The following AGK variants were observed in gnomAD, a reference collection of about 807,000 sequenced individuals.
AGK encodes the protein acylglycerol kinase.
In AGK, 52 loss-of-function variants were observed where a neutral mutation model predicts 66.4. The ratio of observed to expected loss-of-function variants is 0.78; its 90% confidence interval spans 0.63 to 0.99. The LOEUF (loss-of-function observed/expected upper bound fraction) is 0.99. Ranked by LOEUF, AGK falls within the 50% of genes least tolerant of loss-of-function variation. The pLI, the probability that AGK is intolerant of heterozygous loss-of-function variation, is 0.00. For synonymous variants in AGK, 182 were observed against 181.1 expected, an observed-to-expected ratio of 1.00 and a Z score of -0.04; for missense variants, 451 against 506.6, an observed-to-expected ratio of 0.89 and a Z score of 1.05.
chr7:141,604,761 T>G (rs1796421686), intron 5 of AGK, among the ~76,000 whole-genome samples: 2 of 151,806 alleles, frequency 1.3e-5, no homozygotes, highest in South Asian at 4.2e-4. Flanking sequence ...TTTTTGTATT[T>G]TTAATAGAGA....
chr7:141,650,553 G>A (rs1241844006), intron 14 of AGK: 6 of 985,246 alleles, frequency 6.1e-6, no homozygotes, highest in African/African-American at 1.7e-5. Flanking sequence ...CTCTGATACC[G>A]TTTTGTAGAG....
At chr7:141,628,250 T>C (rs1796981109) in intron 9 of AGK, among the ~76,000 whole-genome samples, 1 of 152,202 alleles carries the variant, frequency 6.6e-6, no homozygotes, top group African/African-American at 2.4e-5. Flanking sequence ...TGTGAATTGA[T>C]GAAACCAGTA....
Position 141,555,534 on chromosome 7 carries a change from C to T in AGK, c.68C>T (p.Thr23Ile). The T allele has an allele frequency of 6.2e-7, 1 of 1,614,028 alleles. No individual in the cohort carries two copies. Among genetic ancestry groups the T allele is most frequent in the Non-Finnish European group, 8.5e-7 (1 of 1,179,954 alleles). Residue 23 changes from threonine to isoleucine, a missense_variant, in exon 2 of 16, where the codon ACC becomes ATC. Physicochemically the swap from Thr to Ile is moderately conservative, Grantham distance 89. Coordinates refer to ENST00000649286, the MANE Select transcript of AGK (RefSeq NM_018238.4). This position sits in a 1 kb window ranked among gnomAD's most constrained non-coding sequence, Gnocchi z 4.2. ...KKTTAGLCLLTWGGHWLYGKH... is the reference protein window; with the variant it reads ...KKTTAGLCLLIWGGHWLYGKH... Reference sequence around the variant, plus strand: ...ACTACAGCTGGGCTCTGCCTGCTGACCTGGGGAGGCCATTGGCTCTATGGA... The same window carrying T: ...ACTACAGCTGGGCTCTGCCTGCTGATCTGGGGAGGCCATTGGCTCTATGGA...
At chr7:141,593,238 G>A in intron 3 of AGK, 53 bp downstream of exon 3, 1 of 1,526,328 alleles carries the variant, frequency 6.6e-7, no homozygotes, top group Non-Finnish European at 9.1e-7. Context: ...TCATTGTGCA[G>A]AAAACTTAAG....
chr7:141,646,432 T>G (rs1797415505), intron 13 of AGK, among the ~76,000 whole-genome samples: 1 of 152,174 alleles, frequency 6.6e-6, no homozygotes, highest in South Asian at 2.1e-4. Flanking sequence ...CAGAAAGGTA[T>G]TGCCTCAGTA....
chr7:141,633,397 C>A (rs1424002775), intron 9 of AGK, among the ~76,000 whole-genome samples: 1 of 152,110 alleles, frequency 6.6e-6, no homozygotes, highest in Non-Finnish European at 1.5e-5. Context: ...AAGCATTGGA[C>A]CAAATCCAAA....
At chr7:141,577,869 C>T (rs531462634) in intron 2 of AGK, among the ~76,000 whole-genome samples, 18 of 149,472 alleles carry the variant, frequency 1.2e-4, no homozygotes, top group African/African-American at 3.0e-4. Context: ...CCCAGGCTGG[C>T]GTGCAGTGGT....
At chr7:141,559,332 T>C (rs1432888968) in intron 2 of AGK, among the ~76,000 whole-genome samples, 2 of 152,208 alleles carry the variant, frequency 1.3e-5, no homozygotes, top group Admixed American at 1.3e-4. Flanking sequence ...ATTTTCCATA[T>C]GGATATCTAG....
chr7:141,632,245 C>CA lies in AGK; in HGVS notation c.589-1648dup, dbSNP rs138506133. ...AAACTCCGTCTAAAAAAAAAAAAAACAAAAAAAACCCACAAAATTTAAAAA... is the reference window on the plus strand; with the variant it reads ...AAACTCCGTCTAAAAAAAAAAAAAACAAAAAAAAACCCACAAAATTTAAAAA... On this transcript the variant is annotated intron_variant, in intron 9 of 15. Coordinates refer to ENST00000649286, the MANE Select transcript of AGK (RefSeq NM_018238.4). Among the ~76,000 whole-genome samples, 448 of 147,684 alleles carry CA rather than the reference C, an allele frequency of 3.0e-3. 3 individuals carry two copies. The highest frequency in any genetic ancestry group is 5.0e-3 in the Non-Finnish European group (331 of 66,546).
intron 4 of AGK, among the ~76,000 whole-genome samples, chr7:141,600,971 A>G (rs1796327857): frequency 6.6e-6 from 1 of 152,188 alleles, no homozygotes; most frequent in Non-Finnish European, 1.5e-5. Flanking sequence ...CAAATGGATA[A>G]GAGCTTATTG....
intron 2 of AGK, among the ~76,000 whole-genome samples, chr7:141,589,114 A>G (rs1300624988): frequency 6.6e-6 from 1 of 151,976 alleles, no homozygotes. Context: ...CCCAGCCCCT[A>G]CTCAAGATGG....
intron 5 of AGK, among the ~76,000 whole-genome samples, chr7:141,603,775 T>C (rs1587116511): frequency 6.6e-6 from 1 of 152,232 alleles, no homozygotes; most frequent in Non-Finnish European, 1.5e-5. Context: ...ATGCTGGCTG[T>C]CCCCTGGCTC....
intron 5 of AGK, among the ~76,000 whole-genome samples, chr7:141,605,900 G>A (rs1318533406): frequency 6.6e-6 from 1 of 152,130 alleles, no homozygotes; most frequent in African/African-American, 2.4e-5. Flanking sequence ...AGCACTATTA[G>A]AATATTCTTC....
chr7:141,588,278 A>T (rs1796033837), intron 2 of AGK, among the ~76,000 whole-genome samples: 1 of 152,192 alleles, frequency 6.6e-6, no homozygotes, highest in African/African-American at 2.4e-5. Context: ...GGGTTCTTAG[A>T]TCTTGCACAA....
intron 13 of AGK, 83 bp downstream of exon 13, chr7:141,641,991 A>G: frequency 8.5e-7 from 1 of 1,182,156 alleles, no homozygotes; most frequent in East Asian, 2.6e-5. Flanking sequence ...TAATTCAGTT[A>G]TTTTTATTTT....
intron 13 of AGK, among the ~76,000 whole-genome samples, chr7:141,647,122 G>T: frequency 8.4e-6 from 1 of 119,354 alleles, no homozygotes; most frequent in Admixed American, 1.2e-4. Context: ...GCAGATCATT[G>T]CTCCTGGGAG....
chr7:141,652,792 A>AGGG lies in AGK; in HGVS notation c.1140_1142dup (p.Gly381dup), dbSNP rs1554405928. On this transcript the variant is annotated inframe_insertion, in exon 16 of 16. Coordinates refer to ENST00000649286, the MANE Select transcript of AGK (RefSeq NM_018238.4). ...GAATATTCTCTTCTCCCCAGGGAGC[A>AGGG]GGGGGCTCTTTTAGCATTGACAGTG... The AGGG allele has an allele frequency of 6.2e-7, 1 of 1,613,132 alleles. No individual in the cohort carries two copies. The highest frequency in any genetic ancestry group is 1.7e-5 in the Admixed American group (1 of 60,000).
intron 6 of AGK, among the ~76,000 whole-genome samples, chr7:141,612,297 C>A (rs564700144): frequency 5.1e-4 from 77 of 152,262 alleles, no homozygotes; most frequent in Middle Eastern, 6.8e-3. Context: ...AGTGAAACGT[C>A]AGAGGTTACC....
intron 13 of AGK, among the ~76,000 whole-genome samples, chr7:141,647,406 G>A (rs1797442497): frequency 6.6e-6 from 1 of 152,044 alleles, no homozygotes; most frequent in Non-Finnish European, 1.5e-5. Context: ...CCTGTCATTC[G>A]CTCTGCTCCA....
Sources: gnomAD v4.1 joint callset for allele counts (sites outside exome capture counted in the v4.1 genomes callset) on GRCh38, gnomAD v4.1.1 for gene constraint, Gnocchi (gnomAD v3.1) non-coding constraint, MANE v1.5 for transcripts, NCBI Gene and HGNC (gene_info 2026-07-23, HGNC 2026-07-21) for gene names.